LOC128092252: variants seen among roughly 807,000 people sequenced by gnomAD.
the LOC128092252 span, among the ~76,000 whole-genome samples, chr15:50,684,881 AACTG>A: frequency 1.3e-5 from 2 of 152,334 alleles, no homozygotes; most frequent in South Asian, 4.1e-4. Context: ...CTAACAAATC[AACTG>A]ACTAAAACAT....
At chr15:50,659,005 T>C in the LOC128092252 span, among the ~76,000 whole-genome samples, 1 of 151,972 alleles carries the variant, frequency 6.6e-6, no homozygotes, top group Non-Finnish European at 1.5e-5. Context: ...AAGACCATCC[T>C]GGCTAACGCA....
At chr15:50,650,006 C>A in the LOC128092252 span, among the ~76,000 whole-genome samples, 1 of 151,648 alleles carries the variant, frequency 6.6e-6, no homozygotes, top group African/African-American at 2.4e-5. Flanking sequence ...ACCATCCTGG[C>A]CAACATGGTG....
At chr15:50,650,402 A>C in the LOC128092252 span, among the ~76,000 whole-genome samples, 1 of 151,950 alleles carries the variant, frequency 6.6e-6, no homozygotes, top group Non-Finnish European at 1.5e-5. Flanking sequence ...GGACTAAATT[A>C]GACCTAGACA....
At chr15:50,657,852 C>A in the LOC128092252 span, 1 of 1,582,648 alleles carries the variant, frequency 6.3e-7, no homozygotes, top group Non-Finnish European at 8.6e-7. Flanking sequence ...TAAATTATTT[C>A]AGGTGAAAAA....
At chr15:50,656,782 A>G in the LOC128092252 span, among the ~76,000 whole-genome samples, 1 of 152,006 alleles carries the variant, frequency 6.6e-6, no homozygotes, top group Non-Finnish European at 1.5e-5. Flanking sequence ...TCAGACCCTA[A>G]AGCATATTAC....
chr15:50,670,488 CATT>C, the LOC128092252 span, among the ~76,000 whole-genome samples: 1 of 152,136 alleles, frequency 6.6e-6, no homozygotes, highest in Non-Finnish European at 1.5e-5. Flanking sequence ...CCTCACTGCT[CATT>C]ATATGCTAAT....
chr15:50,664,068 G>A, the LOC128092252 span, among the ~76,000 whole-genome samples: 2 of 152,168 alleles, frequency 1.3e-5, no homozygotes, highest in African/African-American at 2.4e-5. Context: ...GGGAGGCTGA[G>A]GTGGGCGGAT....
chr15:50,663,076 A>G, the LOC128092252 span: 4 of 1,536,170 alleles, frequency 2.6e-6, no homozygotes, highest in Middle Eastern at 3.4e-4. Context: ...AGAATTGTTT[A>G]TAAGTTAACC....
chr15:50,686,011 T>G, the LOC128092252 span, among the ~76,000 whole-genome samples: 4 of 152,202 alleles, frequency 2.6e-5, no homozygotes. Flanking sequence ...CTGTAGAGTA[T>G]CCGCTGCACA....
At chr15:50,686,643 G>T in the LOC128092252 span, 1 of 1,456,914 alleles carries the variant, frequency 6.9e-7, no homozygotes, top group Non-Finnish European at 9.3e-7. Flanking sequence ...GAGGCCGCCG[G>T]ACAAGGAACG....
the LOC128092252 span, among the ~76,000 whole-genome samples, chr15:50,667,518 C>T: frequency 6.6e-6 from 1 of 152,138 alleles, no homozygotes; most frequent in Admixed American, 6.6e-5. Context: ...ACCAGCCTGG[C>T]CGACATGTAA....
At chr15:50,656,151 C>T in the LOC128092252 span, among the ~76,000 whole-genome samples, 1 of 152,092 alleles carries the variant, frequency 6.6e-6, no homozygotes, top group African/African-American at 2.4e-5. Context: ...TTCAGTGTAG[C>T]TGCACTATAT....
chr15:50,668,804 G>A, the LOC128092252 span, among the ~76,000 whole-genome samples: 3,269 of 152,012 alleles, frequency 0.022, 114 homozygotes, highest in African/African-American at 0.076. Context: ...CACCATGCCT[G>A]GCCTACAATA....
chr15:50,663,891 A>C, the LOC128092252 span, among the ~76,000 whole-genome samples: 1 of 152,170 alleles, frequency 6.6e-6, no homozygotes, highest in Non-Finnish European at 1.5e-5. Flanking sequence ...TAAGCCGAGG[A>C]GGCTGAGGAT....
At chr15:50,677,763 AAAG>A in the LOC128092252 span, among the ~76,000 whole-genome samples, 1 of 150,308 alleles carries the variant, frequency 6.7e-6, no homozygotes, top group Admixed American at 6.7e-5. Flanking sequence ...AAAAAAAACA[AAAG>A]GTAACCCAGA....
chr15:50,685,625 T>C, the LOC128092252 span, among the ~76,000 whole-genome samples: 1 of 151,910 alleles, frequency 6.6e-6, no homozygotes, highest in Non-Finnish European at 1.5e-5. Flanking sequence ...AGAGGGAGAG[T>C]TGTTTGCATA....
At chr15:50,680,525 C>T in the LOC128092252 span, among the ~76,000 whole-genome samples, 1 of 150,914 alleles carries the variant, frequency 6.6e-6, no homozygotes, top group Non-Finnish European at 1.5e-5. Context: ...GCCAAGATCG[C>T]ACCACTGAAC....
the LOC128092252 span, among the ~76,000 whole-genome samples, chr15:50,654,856 C>G: frequency 6.7e-6 from 1 of 149,716 alleles, no homozygotes; most frequent in African/African-American, 2.4e-5. Context: ...AAAAAACTAC[C>G]CGGGTGTGGC....
At chr15:50,681,906 G>C in the LOC128092252 span, among the ~76,000 whole-genome samples, 2 of 152,162 alleles carry the variant, frequency 1.3e-5, no homozygotes, top group Admixed American at 1.3e-4. Flanking sequence ...ATAAAAGACT[G>C]TGCGGTGGCT....
Sources: gnomAD v4.1 joint callset for allele counts (sites outside exome capture counted in the v4.1 genomes callset) on GRCh38, gnomAD v4.1.1 for gene constraint, MANE v1.5 for transcripts.